SIRPB1: variants seen among roughly 807,000 people sequenced by gnomAD.
SIRPB1 encodes the protein signal-regulatory protein beta-1.
A neutral mutation model predicts 34.1 loss-of-function variants in SIRPB1; 28 were observed. The ratio of observed to expected loss-of-function variants is 0.82; its 90% confidence interval spans 0.61 to 1.12. The LOEUF (loss-of-function observed/expected upper bound fraction) is 1.12, where lower values mean the gene tolerates loss of function less well. SIRPB1 is among the 50% of genes most tolerant of loss of function. The probability of loss-of-function intolerance (pLI) is 0.00; values close to 1 mark genes in which losing one functional copy is unlikely to be tolerated. For missense variants in SIRPB1, 499 were observed against 507.0 expected (o/e 0.98, Z 0.15); for synonymous variants, 211 against 203.8 (o/e 1.04, Z -0.30).
chr20:1,577,380 G>A (rs990249435), intron 2 of SIRPB1, among the ~76,000 whole-genome samples: 25 of 147,770 alleles, frequency 1.7e-4, no homozygotes, highest in African/African-American at 6.1e-4. Flanking sequence ...TCATGTCTTG[G>A]CTTCAGTCTC....
At chr20:1,569,792 T>A (rs1193950264) in intron 4 of SIRPB1, among the ~76,000 whole-genome samples, 1 of 152,230 alleles carries the variant, frequency 6.6e-6, no homozygotes, top group Non-Finnish European at 1.5e-5. Flanking sequence ...GGTTGGGCCC[T>A]GATGGGGAAG....
rs1185580363 is a variant in SIRPB1 at position 1,565,017 on chromosome 20, G to A, written c.*483C>T. ...AGAGCTTCTTTCTTTTTGGGTTTGA[G>A]GGATAGGATGCTTGGACAAAGAGGA... is the stretch of plus-strand genomic sequence containing the variant. On this transcript the variant is annotated 3_prime_UTR_variant, in exon 6 of 6. Coordinates refer to ENST00000381605, the MANE Select transcript of SIRPB1 (RefSeq NM_006065.5). The A allele has an allele frequency of 5.0e-6, 2 of 398,464 alleles. No individual in the cohort carries two copies. Among genetic ancestry groups the A allele is most frequent in the Admixed American group, 4.4e-5 (1 of 22,708 alleles). 24.7% of individuals were successfully genotyped at this position (398,464 alleles called of 1,614,324 possible).
At chr20:1,611,964 C>CT (rs1568707200) in intron 1 of SIRPB1, among the ~76,000 whole-genome samples, 1 of 71,642 alleles carries the variant, frequency 1.4e-5, no homozygotes, top group Non-Finnish European at 2.6e-5. Context: ...TTTCTGTTTG[C>CT]TTTTTTTCTT....
In SIRPB1 at chr20:1,562,571, A is replaced by G. The variant is rs906114344; in HGVS notation, c.*2929T>C. On this transcript the variant is annotated 3_prime_UTR_variant, in exon 6 of 6. Coordinates refer to ENST00000381605, the MANE Select transcript of SIRPB1 (RefSeq NM_006065.5). ...TTAGTTAAGTAACATCAGTCCCACAACACAAGTCTCAAAATTTAGGTGCCA... is the reference window on the plus strand; with the variant it reads ...TTAGTTAAGTAACATCAGTCCCACAGCACAAGTCTCAAAATTTAGGTGCCA... Among the ~76,000 whole-genome samples, 4 of 152,170 alleles carry G rather than the reference A, an allele frequency of 2.6e-5. No individual in the cohort carries two copies. The highest frequency in any genetic ancestry group is 5.9e-5 in the Non-Finnish European group (4 of 68,028).
chr20:1,571,506 T>C (rs2091236350), intron 3 of SIRPB1, among the ~76,000 whole-genome samples: 3 of 152,160 alleles, frequency 2.0e-5, no homozygotes, highest in South Asian at 2.1e-4. Context: ...GTGAAATAAA[T>C]GAAACTCTGT....
At position 1,564,887 on chromosome 20, in the gene SIRPB1, G is replaced by T. The variant is rs1306541402; in HGVS notation, c.*613C>A. Reference sequence around the variant, plus strand: ...GAGTTGTAAAGGGCAGTCATCGAGGGCTCCTCAATGTTGGGCTGTGGCAGC... The same window carrying T: ...GAGTTGTAAAGGGCAGTCATCGAGGTCTCCTCAATGTTGGGCTGTGGCAGC... On this transcript the variant is annotated 3_prime_UTR_variant, in exon 6 of 6. Transcript: ENST00000381605. 3 of 398,422 alleles carry T rather than the reference G, an allele frequency of 7.5e-6. No homozygotes were observed. Among genetic ancestry groups the T allele is most frequent in the African/African-American group, 4.1e-5 (2 of 48,600 alleles). 24.7% of individuals were successfully genotyped at this position (398,422 alleles called of 1,614,324 possible).
rs1360310984 is a variant in SIRPB1 at position 1,570,887 on chromosome 20, A to G, written c.1002T>C (p.His334=). ...TTTTGCTGACTGCTTGCTGCCCATC[A>G]TGCTCCACCTGACAGGTGAGCACCA... The part of the protein sequence containing the change: ...DDVVLTCQVE[H]DGQQAVSKSY... The change falls in exon 4 of 6, where the codon CAT becomes CAC. Residue 334 remains histidine (H), a synonymous_variant. Transcript: ENST00000381605. 32 of 1,614,118 alleles carry G rather than the reference A, an allele frequency of 2.0e-5. No homozygotes were observed. The highest frequency in any genetic ancestry group is 3.3e-4 in the Middle Eastern group (2 of 6,062).
In SIRPB1 at chr20:1,592,165, TTTTG is replaced by T. The variant is rs1169489803; in HGVS notation, c.77-13475_77-13472del. Among the ~76,000 whole-genome samples the T allele has an allele frequency of 2.9e-4, 14 of 47,860 alleles. 5 individuals are homozygous for T. The South Asian group carries it at 4.7e-3, about 16-fold the overall frequency. The allele number at this position is 47,860 out of a possible 152,430, so 31.4% of individuals were successfully genotyped here. A position where few individuals can be genotyped will look rare whatever the true frequency, so the allele number is the denominator to read the frequency against. On this transcript the variant is annotated intron_variant, in intron 1 of 5. Transcript: ENST00000381605. ...TTATAAATTACCCAGTCTCAGGCAG[TTTTG>T]TTTGTTTGTTTGTTTGTTTGTTTGT...
At position 1,595,803 on chromosome 20, in the gene SIRPB1, G is replaced by C. The variant is rs1196568911; in HGVS notation, c.77-17109C>G. ...GGGCTTGTGGCTACAGAAGCCTTTG[G>C]GGGTGGAACCAAATCTCCTGGGTGA... On this transcript the variant is annotated intron_variant, in intron 1 of 5. Coordinates refer to ENST00000381605, the MANE Select transcript of SIRPB1 (RefSeq NM_006065.5). Among the ~76,000 whole-genome samples the C allele has an allele frequency of 4.1e-5, 2 of 48,782 alleles. 1 individual carries two copies. Among genetic ancestry groups the C allele is most frequent in the Non-Finnish European group, 7.9e-5 (2 of 25,358 alleles). The allele number at this position is 48,782 out of a possible 152,430, so 32.0% of individuals were successfully genotyped here.
chr20:1,611,988 G>C (rs541778841), intron 1 of SIRPB1, among the ~76,000 whole-genome samples: 1 of 70,350 alleles, frequency 1.4e-5, no homozygotes, highest in Non-Finnish European at 2.6e-5. Context: ...TTTTCTTTTT[G>C]TTTTTCTTTT....
In SIRPB1 at chr20:1,570,546, T is replaced by C. The variant is rs1461970998; in HGVS notation, c.1084+259A>G. On this transcript the variant is annotated intron_variant, in intron 4 of 5. Transcript: ENST00000381605. ...TCTTTTTTCCTTTAATGTATATTTA[T>C]GTCAAAATATCTATCAAGTTGTGCA... The C allele has an allele frequency of 3.0e-5, 11 of 370,602 alleles. No individual in the cohort carries two copies. In the East Asian group the frequency reaches 3.4e-4, roughly 12 times the overall value. The allele number at this position is 370,602 out of a possible 1,614,324, so 23.0% of individuals were successfully genotyped here.
intron 1 of SIRPB1, among the ~76,000 whole-genome samples, chr20:1,618,023 A>G (rs576286547): frequency 6.6e-6 from 1 of 152,320 alleles, no homozygotes; most frequent in African/African-American, 2.4e-5. Flanking sequence ...ATATGTATAT[A>G]TAGACACACA....
Position 1,598,042 on chromosome 20 carries a change from G to A in SIRPB1, c.77-19348C>T. On this transcript the variant is annotated intron_variant, in intron 1 of 5. Coordinates refer to ENST00000381605, the MANE Select transcript of SIRPB1 (RefSeq NM_006065.5). ...AGGAGCAACAGGAGCCTGTGGGCAG[G>A]AAGATGTCCTGGGAGGGGAGGTGTT... The A allele has an allele frequency of 5.4e-6, 2 of 370,616 alleles. 1 individual carries two copies. The highest frequency in any genetic ancestry group is 6.2e-6 in the Non-Finnish European group (2 of 324,556). The allele number at this position is 370,616 out of a possible 1,614,324, so 23.0% of individuals were successfully genotyped here.
intron 1 of SIRPB1, among the ~76,000 whole-genome samples, chr20:1,617,909 TTA>T (rs1305677718): frequency 6.6e-6 from 1 of 152,202 alleles, no homozygotes; most frequent in Non-Finnish European, 1.5e-5. Flanking sequence ...GTACACTTAC[TTA>T]TATGCATACA....
chr20:1,578,309 G>A, intron 2 of SIRPB1, 29 bp downstream of exon 2: 1 of 1,560,266 alleles, frequency 6.4e-7, no homozygotes, highest in South Asian at 1.1e-5. Context: ...CACACACCAG[G>A]GGACAAAGGA....
At position 1,564,691 on chromosome 20, in the gene SIRPB1, G is replaced by A. The variant is rs1487629138; in HGVS notation, c.*809C>T. 8 of 383,350 alleles carry A rather than the reference G, an allele frequency of 2.1e-5. No individual in the cohort carries two copies. The highest frequency in any genetic ancestry group is 3.7e-5 in the Non-Finnish European group (8 of 217,006). The allele number at this position is 383,350 out of a possible 1,614,324, so 23.7% of individuals were successfully genotyped here. On this transcript the variant is annotated 3_prime_UTR_variant, in exon 6 of 6. Coordinates refer to ENST00000381605, the MANE Select transcript of SIRPB1 (RefSeq NM_006065.5). ...TAAATTTCAGGAATCTTGCAATCTG[G>A]TTGTTTAACTGTTGGCAGTGTGAAA...
At position 1,578,400 on chromosome 20, in the gene SIRPB1, C is replaced by T. The variant is rs145977289; in HGVS notation, c.371G>A (p.Arg124Gln). Residue 124 changes from arginine to glutamine, a missense_variant, in exon 2 of 6, where the codon CGG (arginine) becomes CAG (glutamine). Coordinates refer to ENST00000381605, the MANE Select transcript of SIRPB1 (RefSeq NM_006065.5). Reference protein sequence around the residue: ...DAGTYYCVKFRKGSPDDVEFK... With the variant: ...DAGTYYCVKFQKGSPDDVEFK... ...CTCCACGTCGTCAGGGCTCCCTTTC[C>T]GGAACTTCACACAGTAGTAGGTGCC... 242 of 1,587,682 alleles carry T rather than the reference C, an allele frequency of 1.5e-4. 9 individuals carry two copies. The African/African-American group carries it at 2.7e-3, about 18-fold the overall frequency.
At chr20:1,617,302 G>C (rs545372433) in intron 1 of SIRPB1, among the ~76,000 whole-genome samples, 3 of 152,136 alleles carry the variant, frequency 2.0e-5, no homozygotes, top group Non-Finnish European at 2.9e-5. Context: ...ATGTCCATCA[G>C]CAGATAAATG....
chr20:1,568,006 A>C (rs540665273), intron 4 of SIRPB1, among the ~76,000 whole-genome samples: 81 of 152,282 alleles, frequency 5.3e-4, no homozygotes, highest in African/African-American at 1.7e-3. Context: ...AATGGCTGCT[A>C]TGCTGGGATA....
Sources: allele counts gnomAD v4.1 joint callset (sites outside exome capture counted in the v4.1 genomes callset), GRCh38; gene constraint gnomAD v4.1.1; transcripts MANE v1.5; gene names NCBI Gene and HGNC (gene_info 2026-07-23, HGNC 2026-07-21).